Variants in MACF1 observed in about 807,000 individuals in gnomAD.
MACF1 encodes the protein microtubule actin crosslinking factor 1.
MACF1 carries 193 observed loss-of-function variants against 854.8 expected under a neutral mutation model. That is an observed-to-expected ratio of 0.23 (90% CI 0.20 to 0.25). The LOEUF (loss-of-function observed/expected upper bound fraction) is 0.25, where lower values mean the gene tolerates loss of function less well. Ranked by LOEUF, MACF1 falls within the 10% of genes least tolerant of loss-of-function variation. The pLI is 1.00. For missense variants in MACF1, 7,722 were observed against 8,929.1 expected (o/e 0.86, Z 5.45); for synonymous variants, 3,185 against 3,226.7 (o/e 0.99, Z 0.44).
chr1:39,377,304 G>A (rs191909142), intron 52 of MACF1, among the ~76,000 whole-genome samples: 4 of 152,124 alleles, frequency 2.6e-5, no homozygotes, highest in African/African-American at 4.8e-5. Context: ...GAGCCACCGC[G>A]CCCGGCCAAC....
At chr1:39,090,040 G>C (rs1279409457) in intron 2 of MACF1, among the ~76,000 whole-genome samples, 1 of 152,194 alleles carries the variant, frequency 6.6e-6, no homozygotes, top group Non-Finnish European at 1.5e-5. Flanking sequence ...TCTTATTTCT[G>C]TCCCCTTCTT....
chr1:39,439,320 C>A lies in MACF1; in HGVS notation c.18267C>A (p.Ile6089=). The A allele has an allele frequency of 6.2e-7, 1 of 1,614,036 alleles. No individual in the cohort carries two copies. The highest frequency in any genetic ancestry group is 8.5e-7 in the Non-Finnish European group (1 of 1,179,950). The change falls in exon 72 of 101, where the codon ATC becomes ATA. Residue 6089 remains isoleucine, a synonymous_variant. Coordinates refer to ENST00000564288, the MANE Select transcript of MACF1 (RefSeq NM_001394062.1). ...LDQMVFFWED[I]KARAEEREIK... is the part of the protein sequence containing the mutation. ...AAATGGTATTCTTCTGGGAGGACAT[C>A]AAAGCTCGGGCTGAAGAACGAGAAA...
At chr1:39,464,420 C>T (rs989124456) in intron 94 of MACF1, 1 of 153,016 alleles carries the variant, frequency 6.5e-6, no homozygotes, top group African/African-American at 2.4e-5. Context: ...AAATCTACCC[C>T]ATGCTGCAGT....
At chr1:39,366,694 T>C (rs1225115793) in intron 49 of MACF1, among the ~76,000 whole-genome samples, 3 of 139,910 alleles carry the variant, frequency 2.1e-5, no homozygotes, top group Admixed American at 1.4e-4. Flanking sequence ...TTTACAAATA[T>C]ACTTTTTTTT....
At position 39,452,383 on chromosome 1, in the gene MACF1, T is replaced by C. The variant is rs1457013622; in HGVS notation, c.20613+33T>C. On this transcript the variant is annotated intron_variant, in intron 86 of 100. Coordinates refer to ENST00000564288, the MANE Select transcript of MACF1 (RefSeq NM_001394062.1). ...ATATTTGCTGTCCCAACCCAAGGGA[T>C]AGATCTGAGTGGGTTTATTTGGTTT... The C allele has an allele frequency of 5.7e-6, 9 of 1,578,082 alleles. 1 individual carries two copies. Among genetic ancestry groups the C allele is most frequent in the Non-Finnish European group, 6.9e-6 (8 of 1,159,698 alleles).
Position 39,357,765 on chromosome 1 carries a change from A to C in MACF1, c.11815A>C (p.Ile3939Leu), listed in dbSNP as rs746390859. The C allele has an allele frequency of 1.2e-6, 2 of 1,614,236 alleles. No homozygotes were observed. Among genetic ancestry groups the C allele is most frequent in the Non-Finnish European group, 1.7e-6 (2 of 1,180,040 alleles). Reference sequence around the variant, plus strand: ...CAAAGGAGACTTGAGATTTGTGACTATCTCAGGACAGAAAGTCTTGGACAT... The same window carrying C: ...CAAAGGAGACTTGAGATTTGTGACTCTCTCAGGACAGAAAGTCTTGGACAT... ...SHKGDLRFVT[I>L]SGQKVLDMEN... The change falls in exon 45 of 101, where the codon ATC (isoleucine) becomes CTC (leucine). Residue 3939 changes from isoleucine to leucine, a missense_variant. By Grantham distance (5) the Ile-to-Leu change is conservative. This residue lies in a region of MACF1 where 2,807 missense variants were observed against 3,235.8 expected (regional missense o/e 0.87). Transcript: ENST00000564288.
chr1:39,191,359 C>G (rs1644253855), intron 2 of MACF1, among the ~76,000 whole-genome samples: 1 of 152,184 alleles, frequency 6.6e-6, no homozygotes, highest in Non-Finnish European at 1.5e-5. Flanking sequence ...CTCTCACTTA[C>G]CTAGCTCTTG....
At chr1:39,346,948 G>T (rs2490944) in intron 40 of MACF1, 29 bp from the exon 41 acceptor site, 1,484,052 of 1,500,160 alleles carry the variant, frequency 0.99, 734,470 homozygotes, top group Non-Finnish European at 1. Flanking sequence ...GGTTTTTTGT[G>T]TTTTGTTTCC....
intron 54 of MACF1, 82 bp downstream of exon 54, chr1:39,379,526 T>C (rs1649998363): frequency 6.7e-7 from 1 of 1,482,584 alleles, no homozygotes; most frequent in African/African-American, 1.4e-5. Context: ...CCCAGGTATC[T>C]GAGAGAGAGA....
At position 39,173,529 on chromosome 1, in the gene MACF1, A is replaced by G. The variant is rs181836634; in HGVS notation, c.221-57653A>G. The stretch of plus-strand genomic sequence containing the variant: ...CACTTGTTGCATTTCCTTCACTGTC[A>G]GAATTTGATTGTTCTGTGTCTGTAT... On this transcript the variant is annotated intron_variant, in intron 2 of 93. Transcript: ENST00000361689. Among the ~76,000 whole-genome samples, 30 of 152,266 alleles carry G rather than the reference A, an allele frequency of 2.0e-4. No individual in the cohort carries two copies. The East Asian group carries it at 5.2e-3, about 26-fold the overall frequency.
At chr1:39,176,128 G>A (rs1335517263) in intron 2 of MACF1, among the ~76,000 whole-genome samples, 316 of 20,974 alleles carry the variant, frequency 0.015, no homozygotes, top group Middle Eastern at 0.056. Context: ...AAAAAAAAAA[G>A]CCAGGTGTGG....
At chr1:39,456,201 G>T (rs1644435625) in intron 89 of MACF1, among the ~76,000 whole-genome samples, 1 of 152,210 alleles carries the variant, frequency 6.6e-6, no homozygotes, top group Admixed American at 6.5e-5. Flanking sequence ...GGGTGTGGTT[G>T]TGGTTGCCTG....
chr1:39,122,113 T>C (rs956476094), intron 2 of MACF1, among the ~76,000 whole-genome samples: 1 of 152,158 alleles, frequency 6.6e-6, no homozygotes, highest in African/African-American at 2.4e-5. Flanking sequence ...AAAAATTCTG[T>C]GTTGCACATA....
rs150773853 is a variant in MACF1, at chr1:39,267,719, A to G, written c.528+9691A>G. 5.0e-3 allele frequency among the ~76,000 whole-genome samples: 754 copies of G among 152,306 alleles called. 9 individuals are homozygous for G. Among genetic ancestry groups the G allele is most frequent in the Non-Finnish European group, 4.5e-3 (303 of 68,034 alleles). The stretch of plus-strand genomic sequence containing the variant: ...TAATTACTATTGAACATTTTTGTCA[A>G]ATATTGTTCATCAGAGACCCTGTTC... On this transcript the variant is annotated intron_variant, in intron 6 of 100. Coordinates refer to ENST00000564288, the MANE Select transcript of MACF1 (RefSeq NM_001394062.1).
At chr1:39,171,443 A>C (rs1277452228) in intron 2 of MACF1, among the ~76,000 whole-genome samples, 2 of 152,030 alleles carry the variant, frequency 1.3e-5, no homozygotes, top group Non-Finnish European at 2.9e-5. Context: ...CCTTCTCCCC[A>C]ACCCCTGGCA....
rs775903661 is a variant in MACF1, at chr1:39,360,770, CT to C, written c.12245-19del. 143 of 1,536,644 alleles carry C rather than the reference CT, an allele frequency of 9.3e-5. No individual in the cohort carries two copies. The Admixed American group carries it at 2.5e-3, about 27-fold the overall frequency. ...AATACAAAAATTGTCTCCACTCTTT[CT>C]TTTCATGGCCTGATTTTTCAGATTC... On this transcript the variant is annotated intron_variant, in intron 47 of 100. Coordinates refer to ENST00000564288, the MANE Select transcript of MACF1 (RefSeq NM_001394062.1).
intron 2 of MACF1, among the ~76,000 whole-genome samples, chr1:39,234,582 G>T (rs1644831594): frequency 1.8e-5 from 2 of 112,502 alleles, no homozygotes; most frequent in African/African-American, 3.2e-5. Context: ...GGGGCGGCTG[G>T]CCTGGCGGGG....
In MACF1 at chr1:39,340,970, T is replaced by A. The variant is rs1356269763; in HGVS notation, c.10581+17T>A. The A allele has an allele frequency of 3.8e-6, 6 of 1,580,854 alleles. No individual in the cohort carries two copies. Among genetic ancestry groups the A allele is most frequent in the Middle Eastern group, 3.4e-4 (2 of 5,914 alleles). On this transcript the variant is annotated intron_variant, in intron 40 of 100. Transcript: ENST00000564288. ...CAGTATGAGGTAAACTCAAGCACAT[T>A]TTCTTTGTCCTTTGAGTTGTATCAA...
intron 1 of MACF1, among the ~76,000 whole-genome samples, chr1:39,222,282 G>A (rs1175103097): frequency 2.0e-5 from 3 of 152,130 alleles, no homozygotes; most frequent in Non-Finnish European, 4.4e-5. Flanking sequence ...AAGCCACCAT[G>A]CCTGGCTTAT....
Sources: gnomAD v4.1 joint callset for allele counts (sites outside exome capture counted in the v4.1 genomes callset) on GRCh38, gnomAD v4.1.1 for gene constraint, gnomAD v4.1.1 regional missense constraint, MANE v1.5 for transcripts, NCBI Gene and HGNC (gene_info 2026-07-23, HGNC 2026-07-21) for gene names.